HELLS: variants seen among roughly 807,000 people sequenced by gnomAD.
HELLS encodes lymphoid-specific helicase.
HELLS carries 32 observed loss-of-function variants against 120.0 expected under a neutral mutation model. The ratio of observed to expected loss-of-function variants is 0.27; its 90% CI spans 0.20 to 0.36. The LOEUF (loss-of-function observed/expected upper bound fraction) is 0.36, where lower values mean the gene tolerates loss of function less well. Ranked by LOEUF, HELLS falls within the 10% of genes least tolerant of loss-of-function variation. HELLS has a pLI of 1.00. For synonymous variants in HELLS, 341 were observed against 323.4 expected, an observed-to-expected ratio of 1.05 and a Z score of -0.58; for missense variants, 650 against 993.4, an observed-to-expected ratio of 0.65 and a Z score of 4.65.
intron 21 of HELLS, among the ~76,000 whole-genome samples, chr10:94,598,768 A>G (rs7092129): frequency 0.69 from 105,046 of 151,794 alleles, 37,103 homozygotes; most frequent in African/African-American, 0.84. Flanking sequence ...CATGATTTTT[A>G]TGTCATCTGT....
At chr10:94,582,498 T>C in intron 11 of HELLS, among the ~76,000 whole-genome samples, 1 of 152,192 alleles carries the variant, frequency 6.6e-6, no homozygotes, top group East Asian at 1.9e-4. Flanking sequence ...TTGTAATATA[T>C]ATATTTTCAA....
At chr10:94,575,921 C>T (rs947203708) in intron 9 of HELLS, among the ~76,000 whole-genome samples, 13 of 151,916 alleles carry the variant, frequency 8.6e-5, no homozygotes, top group Admixed American at 8.5e-4. Context: ...TCTCAGCCTC[C>T]CAGGTAGCTG....
intron 6 of HELLS, among the ~76,000 whole-genome samples, chr10:94,563,808 CTTTTTTTT>C (rs10623208): frequency 7.3e-6 from 1 of 136,424 alleles, no homozygotes; most frequent in African/African-American, 2.7e-5. Context: ...GTTTTCTTTT[CTTTTTTTT>C]TTTTTTTTGA....
chr10:94,601,362 C>T (rs1341291269), intron 21 of HELLS, among the ~76,000 whole-genome samples, 166 bp from the exon 22 acceptor site: 1 of 152,110 alleles, frequency 6.6e-6, no homozygotes, highest in African/African-American at 2.4e-5. Flanking sequence ...TTTGCTTTCA[C>T]TGCTATTAAA....
At chr10:94,580,736 A>G (rs1435119695) in intron 10 of HELLS, among the ~76,000 whole-genome samples, 2 of 152,040 alleles carry the variant, frequency 1.3e-5, no homozygotes, top group Non-Finnish European at 2.9e-5. Context: ...ATTGTTATTT[A>G]TATTTCCAGA....
intron 12 of HELLS, chr10:94,583,869 T>C (rs940500541): frequency 7.4e-6 from 3 of 403,762 alleles, no homozygotes; most frequent in Non-Finnish European, 4.4e-6. Flanking sequence ...CATTGTCTTG[T>C]TCTACTATAA....
At chr10:94,569,084 C>T (rs974523231) in intron 6 of HELLS, 2 of 151,960 alleles carry the variant, frequency 1.3e-5, no homozygotes, top group Non-Finnish European at 2.9e-5. Context: ...AGGTGACCCG[C>T]CCGCCTCGGC....
chr10:94,577,308 T>C (rs1014034057), intron 10 of HELLS: 9 of 278,392 alleles, frequency 3.2e-5, no homozygotes, highest in African/African-American at 1.8e-4. Flanking sequence ...TTTTCATTTA[T>C]TGGTGTTTTG....
chr10:94,586,673 AT>A (rs1050036487), intron 12 of HELLS, among the ~76,000 whole-genome samples: 1 of 151,938 alleles, frequency 6.6e-6, no homozygotes, highest in African/African-American at 2.4e-5. Flanking sequence ...GTATACAATT[AT>A]TTGTTTATTA....
intron 4 of HELLS, among the ~76,000 whole-genome samples, chr10:94,559,907 G>A (rs551313480): frequency 2.8e-4 from 42 of 152,320 alleles, no homozygotes; most frequent in Admixed American, 4.6e-4. Context: ...AATAGTCATA[G>A]TGATTTTATC....
intron 12 of HELLS, among the ~76,000 whole-genome samples, chr10:94,585,916 C>T (rs1845119903): frequency 6.6e-6 from 1 of 151,948 alleles, no homozygotes; most frequent in Non-Finnish European, 1.5e-5. Flanking sequence ...TTTTTGTCTG[C>T]TTTGAAAGCT....
intron 10 of HELLS, among the ~76,000 whole-genome samples, chr10:94,578,040 G>C (rs1326426124): frequency 7.0e-6 from 1 of 143,810 alleles, no homozygotes; most frequent in African/African-American, 2.6e-5. Flanking sequence ...TCCGCAGTCC[G>C]GCCTGGGCCG....
At chr10:94,561,127 C>CTAGG (rs1303229764) in intron 4 of HELLS, among the ~76,000 whole-genome samples, 2 of 151,772 alleles carry the variant, frequency 1.3e-5, no homozygotes, top group African/African-American at 4.8e-5. Context: ...AGAGACTTAC[C>CTAGG]TAGGGCTTTT....
At chr10:94,558,633 G>A (rs993666776) in intron 4 of HELLS, among the ~76,000 whole-genome samples, 1 of 151,540 alleles carries the variant, frequency 6.6e-6, no homozygotes, top group African/African-American at 2.4e-5. Flanking sequence ...ACGGGGACTC[G>A]CTCTGTCACC....
chr10:94,548,388 T>G lies in HELLS; in HGVS notation c.153+1890T>G, dbSNP rs189063107. Among the ~76,000 whole-genome samples the G allele has an allele frequency of 1.4e-3, 220 of 152,288 alleles. 1 individual carries two copies. The highest frequency in any genetic ancestry group is 1.3e-3 in the Non-Finnish European group (87 of 68,022). On this transcript the variant is annotated intron_variant, in intron 2 of 21. Coordinates refer to ENST00000348459, the MANE Select transcript of HELLS (RefSeq NM_018063.5). ...TTGTCTTGAGTAATGTATCTTCAGT[T>G]TTATCTTGTTTCTTCATATACCCAT...
intron 4 of HELLS, among the ~76,000 whole-genome samples, chr10:94,560,502 CTGGTCAACATGA>C (rs1448073543): frequency 6.6e-6 from 1 of 151,754 alleles, no homozygotes; most frequent in Non-Finnish European, 1.5e-5. Flanking sequence ...CGAGACCAGC[CTGGTCAACATGA>C]TGAGACCCTG....
rs1189957983 is a variant in HELLS, at chr10:94,573,849, T to C, written c.478-111T>C. On this transcript the variant is annotated intron_variant, in intron 7 of 21. Coordinates refer to ENST00000348459, the MANE Select transcript of HELLS (RefSeq NM_018063.5). Reference sequence around the variant, plus strand: ...ATCCAGGTGTGATCTTAGTCTTCTATACTTAATGATTATAGGACTCAGTAG... The same window carrying C: ...ATCCAGGTGTGATCTTAGTCTTCTACACTTAATGATTATAGGACTCAGTAG... 4 of 642,662 alleles carry C rather than the reference T, an allele frequency of 6.2e-6. No homozygotes were observed. In the East Asian group the frequency reaches 1.0e-4, roughly 17 times the overall value. 39.8% of individuals were successfully genotyped at this position (642,662 alleles called of 1,614,324 possible). A position where few individuals can be genotyped will look rare whatever the true frequency, so the allele number is the denominator to read the frequency against.
At position 94,601,532 on chromosome 10, in the gene HELLS, A is replaced by G. The variant is rs776384243; in HGVS notation, c.2427A>G (p.Gln809=). 3.6e-5 allele frequency: 55 copies of G among 1,508,830 alleles called. No individual in the cohort carries two copies. Among genetic ancestry groups the G allele is most frequent in the Non-Finnish European group, 4.5e-5 (49 of 1,092,978 alleles). The allele number at this position is 1,508,830 out of a possible 1,614,324, so 93.5% of individuals were successfully genotyped here. Reference sequence around the variant, plus strand: ...GTTTTAATGTTTTTCCCTTAGATCAAATGAATGCTTCAGGACCAATTAAAG... The same window carrying G: ...GTTTTAATGTTTTTCCCTTAGATCAGATGAATGCTTCAGGACCAATTAAAG... ...LLLDRSDLID[Q]MNASGPIKEK... Residue 809 remains glutamine (Q), a synonymous_variant, in exon 22 of 22, where the codon CAA becomes CAG. Transcript: ENST00000348459.
chr10:94,563,237 A>G (rs1843638704), intron 6 of HELLS, among the ~76,000 whole-genome samples: 1 of 152,020 alleles, frequency 6.6e-6, no homozygotes, highest in African/African-American at 2.4e-5. Flanking sequence ...CTGGGATAAC[A>G]GGTGCCAACC....
Sources: allele counts gnomAD v4.1 joint callset (sites outside exome capture counted in the v4.1 genomes callset), GRCh38; gene constraint gnomAD v4.1.1; transcripts MANE v1.5; gene names NCBI Gene and HGNC (gene_info 2026-07-23, HGNC 2026-07-21).